The following SOWAHA variants were observed in gnomAD, a reference collection of about 807,000 sequenced individuals.
The protein encoded by SOWAHA is ankyrin repeat domain-containing protein SOWAHA.
In SOWAHA, 17 loss-of-function variants were observed where a neutral mutation model predicts 21.1. The observed-to-expected ratio is 0.80, with a 90% CI of 0.55 to 1.21. The LOEUF is 1.21. Among genes scored for constraint, SOWAHA ranks in the 50% most tolerant of loss-of-function variants. The pLI is 0.00. For synonymous variants in SOWAHA, 422 were observed against 397.1 expected (o/e 1.06, Z -0.75); for missense variants, 862 against 816.0 (o/e 1.06, Z -0.69).
Position 132,814,370 on chromosome 5 carries a change from G to T in SOWAHA, c.749G>T (p.Arg250Leu). 1 of 1,492,958 alleles carries T rather than the reference G, an allele frequency of 6.7e-7. No homozygotes were observed. The highest frequency in any genetic ancestry group is 8.9e-7 in the Non-Finnish European group (1 of 1,129,872). 92.5% of individuals were successfully genotyped at this position (1,492,958 alleles called of 1,614,324 possible). ...CAGCTGTCGGAGGAGCCGAGCCCGC[G>T]GAGCTCCCCTCTGCTGCTGAGGCGG... ...RRQLSEEPSP[R>L]SSPLLLRRLS... The change falls in exon 1 of 1, where the codon CGG becomes CTG. Residue 250 changes from arginine (R) to leucine (L), a missense_variant. Physicochemically the swap from Arg to Leu is moderately radical, Grantham distance 102. Transcript: ENST00000378693.
chr5:132,814,312 C>A lies in SOWAHA; in HGVS notation c.691C>A (p.Arg231Ser), dbSNP rs1429238885. The A allele has an allele frequency of 2.7e-6, 4 of 1,484,878 alleles. No individual in the cohort carries two copies. The highest frequency in any genetic ancestry group is 3.5e-6 in the Non-Finnish European group (4 of 1,127,012). 92.0% of individuals were successfully genotyped at this position (1,484,878 alleles called of 1,614,324 possible). A position where few individuals can be genotyped will look rare whatever the true frequency, so the allele number is the denominator to read the frequency against. ...VRCVPAPATL[R>S]LRAEEPGLRR... ...CTGCGTCCCGGCCCCCGCCACGCTC[C>A]GCCTCCGGGCGGAGGAGCCCGGCCT... Residue 231 changes from arginine to serine, a missense_variant, in exon 1 of 1, where the codon CGC becomes AGC. By Grantham distance (110) the Arg-to-Ser change is moderately radical. Transcript: ENST00000378693.
rs1758375853 is a variant in SOWAHA at position 132,815,422 on chromosome 5, C to T, written c.*151C>T. The T allele has an allele frequency of 1.6e-6, 1 of 632,866 alleles. No homozygotes were observed. Among genetic ancestry groups the T allele is most frequent in the Non-Finnish European group, 2.7e-6 (1 of 366,526 alleles). 39.2% of individuals were successfully genotyped at this position (632,866 alleles called of 1,614,324 possible). A position where few individuals can be genotyped will look rare whatever the true frequency, so the allele number is the denominator to read the frequency against. On this transcript the variant is annotated 3_prime_UTR_variant, in exon 1 of 1. Coordinates refer to ENST00000378693, the MANE Select transcript of SOWAHA (RefSeq NM_175873.6). ...CTGTTTTACCCAGATGGGCCTGCAC[C>T]TCCAGCTTCTTTCTGAAGCATGACC...
chr5:132,814,101 C>A lies in SOWAHA; in HGVS notation c.480C>A (p.Ser160=), dbSNP rs746519961. Residue 160 remains serine (S), a synonymous_variant, in exon 1 of 1, where the codon TCC becomes TCA. Transcript: ENST00000378693. ...CCGCTCAGCCGCCCGGGGAGCGGTC[C>A]GCCGACCCACCGCTTCCAGCCCTTG... ...SEPAQPPGER[S]ADPPLPALEL... 4.8e-5 allele frequency: 77 copies of A among 1,594,496 alleles called. No homozygotes were observed. Among genetic ancestry groups the A allele is most frequent in the Non-Finnish European group, 5.8e-5 (68 of 1,176,702 alleles).
chr5:132,815,137 T>G lies in SOWAHA; in HGVS notation c.1516T>G (p.Leu506Val). The part of the protein sequence containing the change: ...LKKSSSFSKF[L>V]SASPMAPRKK... ...GAAGTCGAGCTCCTTCAGCAAGTTCTTGAGCGCCTCGCCCATGGCTCCACG... is the reference window on the plus strand; with the variant it reads ...GAAGTCGAGCTCCTTCAGCAAGTTCGTGAGCGCCTCGCCCATGGCTCCACG... The change falls in exon 1 of 1, where the codon TTG becomes GTG. Residue 506 changes from leucine (L) to valine (V), a missense_variant. By Grantham distance (32) the Leu-to-Val change is conservative. Transcript: ENST00000378693. 6.2e-7 allele frequency: 1 copy of G among 1,614,062 alleles called. No individual in the cohort carries two copies. The highest frequency in any genetic ancestry group is 8.5e-7 in the Non-Finnish European group (1 of 1,180,034).
chr5:132,814,453 C>T lies in SOWAHA; in HGVS notation c.832C>T (p.Leu278=). The change falls in exon 1 of 1, where the codon CTG becomes TTG. Residue 278 remains leucine (L), a synonymous_variant. Coordinates refer to ENST00000378693, the MANE Select transcript of SOWAHA (RefSeq NM_175873.6). The stretch of plus-strand genomic sequence containing the variant: ...CCTGGGCCCGGGCCGCTCCCCGCAC[C>T]TGAGGCGCCTGTCGCGCGCCGGCCC... ...LGLGPGRSPH[L]RRLSRAGPRL... is the part of the protein sequence containing the mutation. 3.4e-6 allele frequency: 5 copies of T among 1,456,596 alleles called. No individual in the cohort carries two copies. The highest frequency in any genetic ancestry group is 3.6e-6 in the Non-Finnish European group (4 of 1,112,656). 90.2% of individuals were successfully genotyped at this position (1,456,596 alleles called of 1,614,324 possible).
Position 132,814,938 on chromosome 5 carries a change from C to A in SOWAHA, c.1317C>A (p.Gly439=), listed in dbSNP as rs1490276452. 6.4e-7 allele frequency: 1 copy of A among 1,564,626 alleles called. No homozygotes were observed. The highest frequency in any genetic ancestry group is 8.6e-7 in the Non-Finnish European group (1 of 1,156,184). Residue 439 remains glycine (G), a synonymous_variant, in exon 1 of 1, where the codon GGC becomes GGA. Transcript: ENST00000378693. ...GSSYALRRLL[G]DPGLRGTTEP... Reference sequence around the variant, plus strand: ...CGTACGCGCTGCGCCGCCTTCTTGGCGATCCAGGCCTGCGAGGCACCACGG... The same window carrying A: ...CGTACGCGCTGCGCCGCCTTCTTGGAGATCCAGGCCTGCGAGGCACCACGG...
Position 132,814,123 on chromosome 5 carries a change from C to T in SOWAHA, c.502C>T (p.Leu168Phe). Residue 168 changes from leucine (L) to phenylalanine (F), a missense_variant, in exon 1 of 1, where the codon CTT (leucine) becomes TTT (phenylalanine). Leu to Phe is a conservative substitution (Grantham distance 22). Coordinates refer to ENST00000378693, the MANE Select transcript of SOWAHA (RefSeq NM_175873.6). ...GTCCGCCGACCCACCGCTTCCAGCC[C>T]TTGAGCTAGCCCAGGCCACCGAGAG... Reference protein sequence around the residue: ...ERSADPPLPALELAQATERPS... With the variant: ...ERSADPPLPAFELAQATERPS... The T allele has an allele frequency of 1.3e-6, 2 of 1,599,090 alleles. No individual in the cohort carries two copies. Among genetic ancestry groups the T allele is most frequent in the Non-Finnish European group, 1.7e-6 (2 of 1,178,596 alleles).
chr5:132,815,041 T>C lies in SOWAHA; in HGVS notation c.1420T>C (p.Ser474Pro). The C allele has an allele frequency of 6.2e-7, 1 of 1,607,838 alleles. No individual in the cohort carries two copies. The highest frequency in any genetic ancestry group is 1.1e-5 in the South Asian group (1 of 90,324). The part of the protein sequence containing the change: ...PVQVAATILS[S>P]TTSAFLGVLA... ...ACAGGTGGCCGCCACCATCCTCAGT[T>C]CCACCACCAGTGCATTTCTGGGCGT... The change falls in exon 1 of 1, where the codon TCC becomes CCC. Residue 474 changes from serine to proline, a missense_variant. Transcript: ENST00000378693.
chr5:132,813,860 G>A lies in SOWAHA; in HGVS notation c.239G>A (p.Arg80Lys). ...GACGGCGTCAAGTTCGTGGTGCTGA[G>A]GAAGAAGCCCCGGCCCCCGGAGCCC... ...ELDGVKFVVL[R>K]KKPRPPEPEP... The change falls in exon 1 of 1, where the codon AGG becomes AAG. Residue 80 changes from arginine (R) to lysine (K), a missense_variant. Physicochemically the swap from Arg to Lys is conservative, Grantham distance 26. Coordinates refer to ENST00000378693, the MANE Select transcript of SOWAHA (RefSeq NM_175873.6). 1.3e-6 allele frequency: 2 copies of A among 1,549,050 alleles called. No homozygotes were observed. The highest frequency in any genetic ancestry group is 1.7e-6 in the Non-Finnish European group (2 of 1,146,214).
Position 132,815,185 on chromosome 5 carries a change from G to A in SOWAHA, c.1564G>A (p.Gly522Ser). The A allele has an allele frequency of 6.2e-7, 1 of 1,613,952 alleles. No individual in the cohort carries two copies. The highest frequency in any genetic ancestry group is 8.5e-7 in the Non-Finnish European group (1 of 1,180,028). ...APRKKTKIRG[G>S]LPAFSEISRR... ...ACGTAAAAAGACAAAGATCCGCGGT[G>A]GTCTGCCAGCCTTCTCAGAAATCTC... The change falls in exon 1 of 1, where the codon GGT becomes AGT. Residue 522 changes from glycine (G) to serine (S), a missense_variant. Physicochemically the swap from Gly to Ser is moderately conservative, Grantham distance 56 (BLOSUM62 0). Transcript: ENST00000378693.
chr5:132,814,807 G>A lies in SOWAHA; in HGVS notation c.1186G>A (p.Gly396Ser), dbSNP rs1267653713. The A allele has an allele frequency of 6.6e-7, 1 of 1,524,154 alleles. No homozygotes were observed. Among genetic ancestry groups the A allele is most frequent in the South Asian group, 1.2e-5 (1 of 82,974 alleles). The allele number at this position is 1,524,154 out of a possible 1,614,324, so 94.4% of individuals were successfully genotyped here. The stretch of plus-strand genomic sequence containing the variant: ...GCCGCTGCACCTGGCTGCACTGCAC[G>A]GCCACGAGGACGCTGCCGTGCTGCT... ...YTPLHLAALH[G>S]HEDAAVLLVV... Residue 396 changes from glycine (G) to serine (S), a missense_variant, in exon 1 of 1, where the codon GGC (glycine) becomes AGC (serine). Transcript: ENST00000378693.
rs1246596694 is a variant in SOWAHA, at chr5:132,816,528, A to G, written c.*1257A>G. 6.0e-6 allele frequency: 1 copy of G among 167,112 alleles called. No individual in the cohort carries two copies. The highest frequency in any genetic ancestry group is 2.4e-5 in the African/African-American group (1 of 41,464). The allele number at this position is 167,112 out of a possible 1,614,324, so 10.4% of individuals were successfully genotyped here. ...ATATTGCCAAGATTTCCCAGGCTCA[A>G]TACAGTGTAATTATTTTATGTTTTA... On this transcript the variant is annotated 3_prime_UTR_variant, in exon 1 of 1. Coordinates refer to ENST00000378693, the MANE Select transcript of SOWAHA (RefSeq NM_175873.6).
At position 132,814,583 on chromosome 5, in the gene SOWAHA, G is replaced by A; in HGVS notation, c.962G>A (p.Gly321Asp). ...GAGTGGCTCGTGCGGACTGCCGGGG[G>A]CCGCTGGACCCACCAGCTGCACGGG... ...EHEWLVRTAGGRWTHQLHGLL... is the reference protein window; with the variant it reads ...EHEWLVRTAGDRWTHQLHGLL... Residue 321 changes from glycine (G) to aspartate (D), a missense_variant, in exon 1 of 1, where the codon GGC (glycine) becomes GAC (aspartate). Coordinates refer to ENST00000378693, the MANE Select transcript of SOWAHA (RefSeq NM_175873.6). 2.7e-6 allele frequency: 4 copies of A among 1,470,928 alleles called. No homozygotes were observed. The highest frequency in any genetic ancestry group is 2.7e-6 in the Non-Finnish European group (3 of 1,118,802). 91.1% of individuals were successfully genotyped at this position (1,470,928 alleles called of 1,614,324 possible).
chr5:132,813,990 C>T lies in SOWAHA; in HGVS notation c.369C>T (p.Val123=), dbSNP rs763433724. 1.3e-6 allele frequency: 2 copies of T among 1,544,130 alleles called. No homozygotes were observed. Among genetic ancestry groups the T allele is most frequent in the Non-Finnish European group, 1.7e-6 (2 of 1,145,974 alleles). ...SASAPGAPPL[V]RVPRPVEPPG... ...CTGCCCCGGGAGCTCCGCCCTTGGTCCGGGTGCCGCGGCCAGTGGAGCCGC... is the reference window on the plus strand; with the variant it reads ...CTGCCCCGGGAGCTCCGCCCTTGGTTCGGGTGCCGCGGCCAGTGGAGCCGC... Residue 123 remains valine (V), a synonymous_variant, in exon 1 of 1, where the codon GTC becomes GTT. Coordinates refer to ENST00000378693, the MANE Select transcript of SOWAHA (RefSeq NM_175873.6).
chr5:132,814,297 GC>G lies in SOWAHA; in HGVS notation c.681del (p.Ala228ProfsTer29). 2.0e-6 allele frequency: 3 copies of G among 1,493,574 alleles called. No individual in the cohort carries two copies. The highest frequency in any genetic ancestry group is 1.8e-6 in the Non-Finnish European group (2 of 1,130,130). 92.5% of individuals were successfully genotyped at this position (1,493,574 alleles called of 1,614,324 possible). A position where few individuals can be genotyped will look rare whatever the true frequency, so the allele number is the denominator to read the frequency against. ...TATGCTGCCGGTGCGCTGCGTCCCG[GC>G]CCCCGCCACGCTCCGCCTCCGGGCG... is the stretch of plus-strand genomic sequence containing the variant. ...PCMLPVRCVP[A>X]PATLRLRAEE... On this transcript the variant is annotated frameshift_variant, in exon 1 of 1. Transcript: ENST00000378693. LOFTEE classifies it high-confidence loss of function.
rs1758332302 is a variant in SOWAHA at position 132,813,813 on chromosome 5, C to T, written c.192C>T (p.Asn64=). The T allele has an allele frequency of 6.5e-7, 1 of 1,549,348 alleles. No individual in the cohort carries two copies. Among genetic ancestry groups the T allele is most frequent in the African/African-American group, 1.4e-5 (1 of 72,892 alleles). The stretch of plus-strand genomic sequence containing the variant: ...ACCGCTTCAAGCAGTTCGTCAACAA[C>T]GTGGCGGTGGTGAAGGAGCTCGACG... ...RRDRFKQFVN[N]VAVVKELDGV... Residue 64 remains asparagine, a synonymous_variant, in exon 1 of 1, where the codon AAC becomes AAT. Transcript: ENST00000378693.
chr5:132,813,702 C>G lies in SOWAHA; in HGVS notation c.81C>G (p.Gly27=). The G allele has an allele frequency of 6.5e-7, 1 of 1,537,392 alleles. No individual in the cohort carries two copies. Residue 27 remains glycine (G), a synonymous_variant, in exon 1 of 1, where the codon GGC becomes GGG. Transcript: ENST00000378693. The part of the protein sequence containing the change: ...AAVLGFLQEH[G]GKVRNSELLS... ...TGCTGGGCTTCCTGCAGGAGCACGG[C>G]GGGAAGGTGCGCAACTCCGAGCTGC... is the stretch of plus-strand genomic sequence containing the variant.
Position 132,813,882 on chromosome 5 carries a change from G to C in SOWAHA, c.261G>C (p.Glu87Asp). 6.5e-7 allele frequency: 1 copy of C among 1,548,200 alleles called. No individual in the cohort carries two copies. Among genetic ancestry groups the C allele is most frequent in the Non-Finnish European group, 8.7e-7 (1 of 1,146,020 alleles). Residue 87 changes from glutamate to aspartate, a missense_variant, in exon 1 of 1, where the codon GAG becomes GAC. Transcript: ENST00000378693. ...TGAGGAAGAAGCCCCGGCCCCCGGA[G>C]CCCGAGCCCGCACCCTTCGGCCCCC... ...VVLRKKPRPP[E>D]PEPAPFGPPG...
In SOWAHA at chr5:132,814,489, A is replaced by T. The variant is rs1758354217; in HGVS notation, c.868A>T (p.Ser290Cys). 19 of 1,423,480 alleles carry T rather than the reference A, an allele frequency of 1.3e-5. No homozygotes were observed. Among genetic ancestry groups the T allele is most frequent in the African/African-American group, 1.5e-5 (1 of 66,184 alleles). The allele number at this position is 1,423,480 out of a possible 1,614,324, so 88.2% of individuals were successfully genotyped here. The change falls in exon 1 of 1, where the codon AGC becomes TGC. Residue 290 changes from serine to cysteine, a missense_variant. Physicochemically the swap from Ser to Cys is moderately radical, Grantham distance 112. Transcript: ENST00000378693. The part of the protein sequence containing the change: ...RLSRAGPRLL[S>C]PDAEELPAAP... ...GTCGCGCGCCGGCCCGCGTCTGCTG[A>T]GCCCTGACGCCGAGGAGTTGCCCGC... is the stretch of plus-strand genomic sequence containing the variant.
Sources: allele counts gnomAD v4.1 joint callset, GRCh38; gene constraint gnomAD v4.1.1; transcripts MANE v1.5; gene names NCBI Gene and HGNC (gene_info 2026-07-23, HGNC 2026-07-21).